The following TAFA1 variants were observed in gnomAD, a reference collection of about 807,000 sequenced individuals.
The protein encoded by TAFA1 is chemokine-like protein TAFA-1.
A neutral mutation model predicts 18.5 loss-of-function variants in TAFA1; 4 were observed. That is an observed-to-expected ratio of 0.22 (90% CI 0.11 to 0.49). TAFA1 has a LOEUF of 0.49. Among genes scored for constraint, TAFA1 ranks in the 20% least tolerant of loss-of-function variants. The pLI is 0.98. For synonymous variants in TAFA1, 56 were observed against 55.2 expected (o/e 1.01, Z -0.06); for missense variants, 147 against 169.0 (o/e 0.87, Z 0.72).
At position 68,329,216 on chromosome 3, in the gene TAFA1, C is replaced by CTTTTTTTTTT. The variant is rs10681423; in HGVS notation, c.119-88050_119-88041dup. On this transcript the variant is annotated intron_variant, in intron 2 of 4. Transcript: ENST00000478136. ...GGTGTGCACAACCATGCCTGGCTGC[C>CTTTTTTTTTT]TTTTTTTTTTTTTTTTTTTTTTTGT... Among the ~76,000 whole-genome samples the CTTTTTTTTTT allele has an allele frequency of 5.2e-3, 466 of 89,018 alleles. 1 individual carries two copies. The highest frequency in any genetic ancestry group is 0.023 in the East Asian group (52 of 2,304). The allele number at this position is 89,018 out of a possible 152,430, so 58.4% of individuals were successfully genotyped here.
intron 3 of TAFA1, among the ~76,000 whole-genome samples, chr3:68,467,190 C>A (rs1052471806): frequency 1.3e-5 from 2 of 152,234 alleles, no homozygotes; most frequent in South Asian, 2.1e-4. Flanking sequence ...TCATATTGTT[C>A]AAACACACAT....
At chr3:68,441,252 G>GGCTGT (rs2071374166) in intron 3 of TAFA1, among the ~76,000 whole-genome samples, 1 of 152,150 alleles carries the variant, frequency 6.6e-6, no homozygotes, top group East Asian at 1.9e-4. Flanking sequence ...AACAGGTGCA[G>GGCTGT]GCTGCTTTGT....
chr3:68,380,003 G>A (rs1260693049), intron 2 of TAFA1, among the ~76,000 whole-genome samples: 6 of 151,662 alleles, frequency 4.0e-5, no homozygotes, highest in African/African-American at 1.5e-4. Flanking sequence ...ACCTATGAGT[G>A]AGAACATGCG....
Position 68,522,795 on chromosome 3 carries a change from G to A in TAFA1, c.260-15961G>A, listed in dbSNP as rs576378109. 2.0e-5 allele frequency among the ~76,000 whole-genome samples: 3 copies of A among 152,150 alleles called. No individual in the cohort carries two copies. The South Asian group carries it at 6.2e-4, about 32-fold the overall frequency. On this transcript the variant is annotated intron_variant, in intron 3 of 4. Transcript: ENST00000478136. ...ACTCAGGAGGTGGAGTTTGCAGTAAGCCGAGATCATACCACTGTACTCCAG... is the reference window on the plus strand; with the variant it reads ...ACTCAGGAGGTGGAGTTTGCAGTAAACCGAGATCATACCACTGTACTCCAG...
intron 2 of TAFA1, among the ~76,000 whole-genome samples, chr3:68,164,307 T>C (rs1245818893): frequency 6.6e-6 from 1 of 152,196 alleles, no homozygotes; most frequent in Non-Finnish European, 1.5e-5. Context: ...TTAATGTACA[T>C]GAACTATTGT....
chr3:68,534,903 A>G (rs2073251311), intron 3 of TAFA1, among the ~76,000 whole-genome samples: 1 of 152,120 alleles, frequency 6.6e-6, no homozygotes, highest in African/African-American at 2.4e-5. Context: ...AAAAATGCAA[A>G]AAGCTGACCC....
In TAFA1 at chr3:68,207,527, C is replaced by T. The variant is rs187231828; in HGVS notation, c.118+200783C>T. The stretch of plus-strand genomic sequence containing the variant: ...GTCATGTCAGTTCGCAGAGCCCCAC[C>T]TCAGACTTACACAATCTGAAACTCT... On this transcript the variant is annotated intron_variant, in intron 2 of 4. Coordinates refer to ENST00000478136, the MANE Select transcript of TAFA1 (RefSeq NM_213609.4). Among the ~76,000 whole-genome samples the T allele has an allele frequency of 1.6e-4, 24 of 152,004 alleles. No homozygotes were observed. The East Asian group carries it at 4.5e-3, about 28-fold the overall frequency.
Position 68,332,165 on chromosome 3 carries a change from G to A in TAFA1, c.119-85115G>A, listed in dbSNP as rs372946008. On this transcript the variant is annotated intron_variant, in intron 2 of 4. Transcript: ENST00000478136. ...GGTGTGAGCCACCGCGCCCGGCCAA[G>A]GATAGTCTTTTCAATAAATGGTGTT... 1.2e-3 allele frequency among the ~76,000 whole-genome samples: 186 copies of A among 151,630 alleles called. 8 individuals carry two copies. In the South Asian group the frequency reaches 0.038, roughly 31 times the overall value.
chr3:68,205,898 A>G (rs963216464), intron 2 of TAFA1, among the ~76,000 whole-genome samples: 5 of 151,856 alleles, frequency 3.3e-5, no homozygotes, highest in African/African-American at 1.2e-4. Context: ...AGCTTTCAGG[A>G]GATGTGCAAA....
rs142734087 is a variant in TAFA1, at chr3:68,028,751, ATT to A, written c.118+22017_118+22018del. 2.9e-3 allele frequency among the ~76,000 whole-genome samples: 425 copies of A among 148,150 alleles called. 5 individuals are homozygous for A. The highest frequency in any genetic ancestry group is 0.01 in the African/African-American group (403 of 40,176). Reference sequence around the variant, plus strand: ...CTCAGCCTCACTCTTTTTTTTTAAAATTTTTTTTTTTATTTTTTTGAGATAGG... The same window carrying A: ...CTCAGCCTCACTCTTTTTTTTTAAAATTTTTTTTTATTTTTTTGAGATAGG... On this transcript the variant is annotated intron_variant, in intron 2 of 4. Coordinates refer to ENST00000478136, the MANE Select transcript of TAFA1 (RefSeq NM_213609.4).
chr3:68,462,184 T>C (rs1285256951), intron 3 of TAFA1, among the ~76,000 whole-genome samples: 1 of 152,132 alleles, frequency 6.6e-6, no homozygotes, highest in Non-Finnish European at 1.5e-5. Context: ...TTTCAAAATA[T>C]ATAATTAAAA....
intron 2 of TAFA1, among the ~76,000 whole-genome samples, chr3:68,007,559 C>T (rs983103945): frequency 6.6e-6 from 1 of 152,046 alleles, no homozygotes; most frequent in Non-Finnish European, 1.5e-5. Context: ...TCAGTATCAG[C>T]CTTCGCATCC....
chr3:68,401,341 T>A (rs1337446387), intron 2 of TAFA1, among the ~76,000 whole-genome samples: 1 of 152,182 alleles, frequency 6.6e-6, no homozygotes, highest in Non-Finnish European at 1.5e-5. Flanking sequence ...TAAAGAGAAT[T>A]TTCCTGATAC....
chr3:68,529,067 A>G (rs1027061746), intron 3 of TAFA1, among the ~76,000 whole-genome samples: 1 of 151,830 alleles, frequency 6.6e-6, no homozygotes, highest in African/African-American at 2.4e-5. Context: ...TTGGAAATCC[A>G]TCTTGACCTA....
At chr3:68,123,121 G>A (rs1559528721) in intron 2 of TAFA1, among the ~76,000 whole-genome samples, 3 of 151,688 alleles carry the variant, frequency 2.0e-5, no homozygotes, top group South Asian at 2.1e-4. Flanking sequence ...TTAGGAAAAT[G>A]TATGATTTCT....
At chr3:68,400,022 T>C (rs2070457789) in intron 2 of TAFA1, among the ~76,000 whole-genome samples, 1 of 152,164 alleles carries the variant, frequency 6.6e-6, no homozygotes, top group South Asian at 2.1e-4. Context: ...TTTTACCCAA[T>C]GTTTCCACAC....
At chr3:68,511,929 T>C (rs537235396) in intron 3 of TAFA1, among the ~76,000 whole-genome samples, 2 of 152,198 alleles carry the variant, frequency 1.3e-5, no homozygotes, top group South Asian at 4.1e-4. Context: ...ATAACATAGA[T>C]AGCACTTACA....
At chr3:68,073,735 C>T (rs1028871232) in intron 2 of TAFA1, among the ~76,000 whole-genome samples, 1 of 152,044 alleles carries the variant, frequency 6.6e-6, no homozygotes, top group Non-Finnish European at 1.5e-5. Context: ...GTAGTAGCAG[C>T]AGCCACAGCA....
intron 2 of TAFA1, among the ~76,000 whole-genome samples, chr3:68,131,467 T>A (rs112205100): frequency 2.3e-3 from 347 of 152,226 alleles, no homozygotes; most frequent in African/African-American, 7.7e-3. Context: ...CCTTCCTGCA[T>A]CCTTATTTTT....
Sources: allele counts gnomAD v4.1 joint callset (sites outside exome capture counted in the v4.1 genomes callset), GRCh38; gene constraint gnomAD v4.1.1; transcripts MANE v1.5; gene names NCBI Gene and HGNC (gene_info 2026-07-23, HGNC 2026-07-21).